Variants in EPM2A observed in about 807,000 individuals in gnomAD.
The protein encoded by EPM2A is EPM2A glucan phosphatase, laforin.
In EPM2A, 21 loss-of-function variants were observed where a neutral mutation model predicts 26.5. The observed-to-expected ratio is 0.79, with a 90% CI of 0.56 to 1.14. The LOEUF (loss-of-function observed/expected upper bound fraction) is 1.14, where lower values mean the gene tolerates loss of function less well. Among genes scored for constraint, EPM2A ranks in the 50% most tolerant of loss-of-function variants. EPM2A has a pLI of 0.00. For synonymous variants in EPM2A, 217 were observed against 177.6 expected, an observed-to-expected ratio of 1.22 and a Z score of -1.76; for missense variants, 458 against 440.8, an observed-to-expected ratio of 1.04 and a Z score of -0.35.
intron 4 of EPM2A, among the ~76,000 whole-genome samples, chr6:145,494,168 A>G (rs1033275770): frequency 6.6e-6 from 1 of 152,140 alleles, no homozygotes; most frequent in African/African-American, 2.4e-5. Flanking sequence ...TGAACTCATT[A>G]TTGGTCTGTA....
At chr6:145,683,118 T>G (rs1780658542) in intron 2 of EPM2A, among the ~76,000 whole-genome samples, 2 of 152,152 alleles carry the variant, frequency 1.3e-5, no homozygotes, top group South Asian at 4.1e-4. Context: ...CAGTTTCATG[T>G]GAAGGTGAAT....
intron 4 of EPM2A, among the ~76,000 whole-genome samples, chr6:145,464,497 G>C (rs71566412): frequency 0.067 from 10,186 of 152,032 alleles, 458 homozygotes; most frequent in South Asian, 0.12. Flanking sequence ...TTCCTACCAT[G>C]ATGGGAAAAA....
At chr6:145,699,205 T>C (rs893222586) in intron 1 of EPM2A, among the ~76,000 whole-genome samples, 1 of 152,220 alleles carries the variant, frequency 6.6e-6, no homozygotes, top group Non-Finnish European at 1.5e-5. Context: ...AATGAACTTC[T>C]GTTGATTAGA....
At chr6:145,415,917 C>T (rs948368302) in intron 4 of EPM2A, among the ~76,000 whole-genome samples, 1 of 152,164 alleles carries the variant, frequency 6.6e-6, no homozygotes, top group Non-Finnish European at 1.5e-5. Flanking sequence ...ATTTGGTTTC[C>T]ATTCTTGCTC....
At chr6:145,618,990 G>T (rs7738906) in intron 2 of EPM2A, among the ~76,000 whole-genome samples, 10,178 of 152,132 alleles carry the variant, frequency 0.067, 1,142 homozygotes, top group African/African-American at 0.23. Context: ...GAGGGGAGTA[G>T]TTATATTTAA....
At chr6:145,735,614 G>A (rs1776835112), upstream of EPM2A, 2 of 1,081,620 alleles carry the variant, frequency 1.8e-6, no homozygotes, top group African/African-American at 1.7e-5. Context: ...CGGGCACCGG[G>A]GAGAACACGT....
chr6:145,635,177 G>A, intron 3 of EPM2A, 68 bp downstream of exon 3: 1 of 1,566,282 alleles, frequency 6.4e-7, no homozygotes. Context: ...TTAAATTATA[G>A]ATAGACAGAC....
intron 1 of EPM2A, among the ~76,000 whole-genome samples, chr6:145,704,035 A>G (rs1782080247): frequency 1.3e-5 from 2 of 152,256 alleles, no homozygotes; most frequent in Admixed American, 1.3e-4. Context: ...AGATTTTTGT[A>G]GGTTATTTTT....
At chr6:145,645,962 T>C (rs955274491) in intron 2 of EPM2A, among the ~76,000 whole-genome samples, 13 of 152,146 alleles carry the variant, frequency 8.5e-5, no homozygotes, top group Non-Finnish European at 1.9e-4. Context: ...GGAAACCTCA[T>C]CTAAGCTTGG....
intron 2 of EPM2A, among the ~76,000 whole-genome samples, chr6:145,573,714 G>A (rs1780991708): frequency 6.6e-6 from 1 of 152,288 alleles, no homozygotes; most frequent in South Asian, 2.1e-4. Context: ...ACCAGTCAGG[G>A]AGCCAATGTG....
downstream of EPM2A, among the ~76,000 whole-genome samples, chr6:145,621,949 C>T (rs1180642973): frequency 2.0e-5 from 3 of 152,126 alleles, no homozygotes; most frequent in Non-Finnish European, 4.4e-5. Context: ...GTTTGATGCA[C>T]TTCCACTTGC....
intron 2 of EPM2A, among the ~76,000 whole-genome samples, chr6:145,542,045 T>C (rs1780519611): frequency 6.6e-6 from 1 of 151,766 alleles, no homozygotes; most frequent in African/African-American, 2.4e-5. Context: ...CAATGTGCAA[T>C]TAGTAGAAAA....
intron 2 of EPM2A, among the ~76,000 whole-genome samples, chr6:145,521,378 T>A (rs937621581): frequency 6.6e-6 from 1 of 152,176 alleles, no homozygotes; most frequent in Admixed American, 6.6e-5. Flanking sequence ...AAAGAAATCT[T>A]GCCTGATTAC....
intron 1 of EPM2A, among the ~76,000 whole-genome samples, chr6:145,731,594 A>T (rs1776489079): frequency 6.6e-6 from 1 of 152,108 alleles, no homozygotes; most frequent in Non-Finnish European, 1.5e-5. Flanking sequence ...ATGGACACAG[A>T]GAGGGGAACA....
At chr6:145,496,898 C>T (rs556792984), downstream of EPM2A, among the ~76,000 whole-genome samples, 229 of 151,976 alleles carry the variant, frequency 1.5e-3, 1 homozygote, top group African/African-American at 4.4e-3. Context: ...CCACCGCGCC[C>T]GGCTAATTTT....
chr6:145,493,097 T>C (rs771287474), intron 4 of EPM2A, among the ~76,000 whole-genome samples: 9 of 152,110 alleles, frequency 5.9e-5, no homozygotes, highest in Non-Finnish European at 1.2e-4. Context: ...TACCCCTCCA[T>C]TTCCCCACAA....
intron 2 of EPM2A, among the ~76,000 whole-genome samples, chr6:145,679,198 G>A (rs1780308239): frequency 7.2e-6 from 1 of 138,858 alleles, no homozygotes; most frequent in Admixed American, 8.1e-5. Context: ...TCATAGGTGG[G>A]AATTGCACAA....
At chr6:145,730,399 A>G (rs1341030236) in intron 1 of EPM2A, among the ~76,000 whole-genome samples, 1 of 152,220 alleles carries the variant, frequency 6.6e-6, no homozygotes, top group Non-Finnish European at 1.5e-5. Flanking sequence ...CTAAATGCAC[A>G]TGTGATGAAC....
chr6:145,676,288 G>A (rs919224432), intron 2 of EPM2A, among the ~76,000 whole-genome samples: 13 of 152,106 alleles, frequency 8.5e-5, no homozygotes, highest in Non-Finnish European at 1.5e-4. Context: ...TGTGTAGAGG[G>A]AAATTTATAG....
Sources: allele counts gnomAD v4.1 joint callset (sites outside exome capture counted in the v4.1 genomes callset), GRCh38; gene constraint gnomAD v4.1.1; transcripts MANE v1.5; gene names NCBI Gene and HGNC (gene_info 2026-07-23, HGNC 2026-07-21).